GRIN3A: variants seen among roughly 807,000 people sequenced by gnomAD.
GRIN3A encodes the protein glutamate receptor ionotropic, NMDA 3A.
Under a neutral mutation model 92.4 loss-of-function variants are expected in GRIN3A, and 47 were observed. That is an observed-to-expected ratio of 0.51 (90% CI 0.40 to 0.65). GRIN3A has a LOEUF of 0.65. GRIN3A is among the 30% of genes least tolerant of loss of function. The pLI is 0.00. For missense variants in GRIN3A, 1,324 were observed against 1,393.1 expected (o/e 0.95, Z 0.79); for synonymous variants, 527 against 540.6 (o/e 0.97, Z 0.35).
intron 6 of GRIN3A, among the ~76,000 whole-genome samples, chr9:101,590,408 A>C (rs758326650): frequency 1.6e-4 from 20 of 127,472 alleles, no homozygotes; most frequent in Non-Finnish European, 3.1e-4. Flanking sequence ...TTGAGATGGA[A>C]TCTCGCTCTG....
chr9:101,620,630 T>G (rs1398611118), intron 5 of GRIN3A, among the ~76,000 whole-genome samples: 1 of 152,150 alleles, frequency 6.6e-6, no homozygotes, highest in Non-Finnish European at 1.5e-5. Flanking sequence ...ATTTCAAACC[T>G]AATTAGTTAT....
chr9:101,707,137 A>C (rs901226912), intron 1 of GRIN3A, among the ~76,000 whole-genome samples: 2 of 152,228 alleles, frequency 1.3e-5, no homozygotes, highest in Non-Finnish European at 2.9e-5. Context: ...CAGCAGGTTA[A>C]AAATGTAGTG....
chr9:101,663,569 A>T (rs1299227169), intron 3 of GRIN3A, among the ~76,000 whole-genome samples: 2 of 151,758 alleles, frequency 1.3e-5, no homozygotes, highest in East Asian at 1.9e-4. Flanking sequence ...GGCAGCTTTC[A>T]TTATATGAAT....
intron 1 of GRIN3A, among the ~76,000 whole-genome samples, chr9:101,702,829 A>G (rs138192922): frequency 1.6e-4 from 24 of 152,320 alleles, no homozygotes; most frequent in Non-Finnish European, 2.4e-4. Flanking sequence ...TCAAGTCACC[A>G]TGACTGCACC....
intron 1 of GRIN3A, among the ~76,000 whole-genome samples, chr9:101,711,060 G>C (rs1027913961): frequency 1.3e-5 from 2 of 152,084 alleles, no homozygotes; most frequent in Non-Finnish European, 2.9e-5. Context: ...ATATCTTACT[G>C]TACTGTACTC....
rs1188421685 is a variant in GRIN3A at position 101,670,434 on chromosome 9, G to A, written c.1978C>T (p.Arg660Ter). ...STSLGILVRTRDTAAPIGAFM... is the reference protein window; with the variant it reads ...STSLGILVRT ...GCTCCAATGGGAGCTGCTGTATCTCGGGTCCTCACTAAGATGCCCAAGCTG... is the reference window on the plus strand; with the variant it reads ...GCTCCAATGGGAGCTGCTGTATCTCAGGTCCTCACTAAGATGCCCAAGCTG... Residue 660 changes from arginine (R) to a stop codon, truncating the protein, a stop_gained, in exon 3 of 9, where the codon CGA (arginine) becomes TGA (stop). Transcript: ENST00000361820. LOFTEE classifies it high-confidence loss of function. 5 of 1,613,926 alleles carry A rather than the reference G, an allele frequency of 3.1e-6. No homozygotes were observed. Among genetic ancestry groups the A allele is most frequent in the South Asian group, 1.1e-5 (1 of 91,074 alleles).
intron 1 of GRIN3A, among the ~76,000 whole-genome samples, chr9:101,720,534 A>G (rs1223992069): frequency 6.6e-6 from 1 of 152,210 alleles, no homozygotes; most frequent in Admixed American, 6.5e-5. Context: ...TAGTGTCTAT[A>G]GAATTATTAA....
chr9:101,710,509 T>A (rs940924256), intron 1 of GRIN3A, among the ~76,000 whole-genome samples: 1 of 152,182 alleles, frequency 6.6e-6, no homozygotes, highest in East Asian at 1.9e-4. Context: ...TGGATGGAGA[T>A]CTCCTCTAGT....
chr9:101,665,660 G>A (rs1246372101), intron 3 of GRIN3A, among the ~76,000 whole-genome samples: 3 of 151,690 alleles, frequency 2.0e-5, no homozygotes, highest in Non-Finnish European at 4.4e-5. Context: ...GGGAATTTTC[G>A]GCTTACGGCA....
chr9:101,640,512 A>G (rs1828842691), intron 3 of GRIN3A, among the ~76,000 whole-genome samples: 1 of 152,212 alleles, frequency 6.6e-6, no homozygotes, highest in African/African-American at 2.4e-5. Context: ...AAGTGGAACT[A>G]TGGCTTACAT....
chr9:101,574,326 A>T (rs1013904681), intron 8 of GRIN3A, among the ~76,000 whole-genome samples: 2 of 152,222 alleles, frequency 1.3e-5, no homozygotes, highest in African/African-American at 2.4e-5. Flanking sequence ...TGAGATAAGG[A>T]GAGTTTCTCA....
chr9:101,663,983 A>G (rs986287258), intron 3 of GRIN3A, among the ~76,000 whole-genome samples: 6 of 151,866 alleles, frequency 4.0e-5, no homozygotes, highest in Admixed American at 2.0e-4. Context: ...GTATCCTTTC[A>G]GCTGAGCCAG....
At chr9:101,610,340 A>G (rs1588246953) in intron 6 of GRIN3A, among the ~76,000 whole-genome samples, 2 of 152,246 alleles carry the variant, frequency 1.3e-5, no homozygotes, top group African/African-American at 4.8e-5. Context: ...ATGTTTGATC[A>G]ATATAAAAGT....
At chr9:101,639,121 A>C (rs1282537904) in intron 3 of GRIN3A, among the ~76,000 whole-genome samples, 1 of 152,220 alleles carries the variant, frequency 6.6e-6, no homozygotes, top group Non-Finnish European at 1.5e-5. Flanking sequence ...TCTTCAGCCT[A>C]TGTTGTTGGA....
chr9:101,598,719 C>T (rs1828173319), intron 6 of GRIN3A, among the ~76,000 whole-genome samples: 1 of 152,164 alleles, frequency 6.6e-6, no homozygotes, highest in African/African-American at 2.4e-5. Flanking sequence ...CCCTGGACAC[C>T]TAAGTGTACA....
At chr9:101,691,462 A>G (rs1253667647) in intron 1 of GRIN3A, among the ~76,000 whole-genome samples, 1 of 152,238 alleles carries the variant, frequency 6.6e-6, no homozygotes, top group Non-Finnish European at 1.5e-5. Flanking sequence ...TTTGTACTAT[A>G]CAAGCGTTCT....
chr9:101,601,947 T>G (rs927949161), intron 6 of GRIN3A, among the ~76,000 whole-genome samples: 79 of 152,262 alleles, frequency 5.2e-4, no homozygotes, highest in Non-Finnish European at 9.0e-4. Context: ...ATATCTTTTT[T>G]GGGGGACACA....
chr9:101,639,725 A>G (rs1452085702), intron 3 of GRIN3A, among the ~76,000 whole-genome samples: 1 of 152,198 alleles, frequency 6.6e-6, no homozygotes. Context: ...TTAAATATTA[A>G]AGCATGTCCA....
intron 8 of GRIN3A, among the ~76,000 whole-genome samples, chr9:101,576,696 A>G (rs571663310): frequency 1.6e-4 from 24 of 152,186 alleles, no homozygotes; most frequent in Non-Finnish European, 2.9e-4. Context: ...TGACTGGACT[A>G]GTATACAGCT....
Sources: gnomAD v4.1 joint callset for allele counts (sites outside exome capture counted in the v4.1 genomes callset) on GRCh38, gnomAD v4.1.1 for gene constraint, MANE v1.5 for transcripts, NCBI Gene and HGNC (gene_info 2026-07-23, HGNC 2026-07-21) for gene names.